MARCHF3: variants seen among roughly 807,000 people sequenced by gnomAD.
The protein encoded by MARCHF3 is membrane associated ring-CH-type finger 3.
MARCHF3 carries 13 observed loss-of-function variants against 24.2 expected under a neutral mutation model. The ratio of observed to expected loss-of-function variants is 0.54; its 90% CI spans 0.35 to 0.85. The LOEUF (loss-of-function observed/expected upper bound fraction) is 0.85, where lower values mean the gene tolerates loss of function less well. MARCHF3 is among the 40% of genes least tolerant of loss of function. The probability of loss-of-function intolerance (pLI) is 0.01; values close to 1 mark genes in which losing one functional copy is unlikely to be tolerated. For synonymous variants in MARCHF3, 144 were observed against 137.3 expected (o/e 1.05, Z -0.34); for missense variants, 276 against 325.0 (o/e 0.85, Z 1.16).
intron 1 of MARCHF3, among the ~76,000 whole-genome samples, chr5:127,017,030 C>T (rs1321605755): frequency 2.0e-5 from 3 of 152,104 alleles, no homozygotes; most frequent in Non-Finnish European, 4.4e-5. Flanking sequence ...AACCAAACAC[C>T]GCATGTTCTC....
At chr5:126,905,876 G>T (rs895041138) in intron 3 of MARCHF3, among the ~76,000 whole-genome samples, 1 of 152,120 alleles carries the variant, frequency 6.6e-6, no homozygotes, top group Non-Finnish European at 1.5e-5. Context: ...GTGAGAGAGG[G>T]CATCCCTGTC....
intron 3 of MARCHF3, among the ~76,000 whole-genome samples, chr5:126,904,113 T>A (rs1201917875): frequency 6.6e-6 from 1 of 150,742 alleles, no homozygotes; most frequent in African/African-American, 2.5e-5. Flanking sequence ...GATTTCCAAT[T>A]TCATCCACGT....
chr5:126,933,476 G>T (rs1191977546), intron 1 of MARCHF3, among the ~76,000 whole-genome samples: 1 of 144,554 alleles, frequency 6.9e-6, no homozygotes, highest in African/African-American at 2.6e-5. Flanking sequence ...ACAGAGTCTC[G>T]CTGTGTCGCC....
In MARCHF3 at chr5:126,932,300, A is replaced by G. The variant is rs1749504765; in HGVS notation, c.-56-14073T>C. Among the ~76,000 whole-genome samples the G allele has an allele frequency of 4.6e-5, 7 of 152,224 alleles. No individual in the cohort carries two copies. In the South Asian group the frequency reaches 1.4e-3, roughly 32 times the overall value. On this transcript the variant is annotated intron_variant, in intron 1 of 4. Transcript: ENST00000308660. ...GGTACAACCTTGGATAAGTTATTTA[A>G]CTTTTCTGTATGTCAATTTGCCCAC...
intron 1 of MARCHF3, among the ~76,000 whole-genome samples, chr5:126,964,868 C>A (rs578029131): frequency 1.3e-3 from 191 of 152,194 alleles, no homozygotes; most frequent in African/African-American, 4.1e-3. Context: ...CAAGACTAGA[C>A]CCTGGTGAGA....
chr5:126,896,666 C>G lies in MARCHF3; in HGVS notation c.393+18264G>C, dbSNP rs372302859. On this transcript the variant is annotated intron_variant, in intron 3 of 4. Coordinates refer to ENST00000308660, the MANE Select transcript of MARCHF3 (RefSeq NM_178450.5). ...ATCATATCTACTGTCGTGGAACCCA[C>G]AGAAGTATACTATGGCCTTCTCATG... 2.0e-5 allele frequency among the ~76,000 whole-genome samples: 3 copies of G among 152,196 alleles called. No homozygotes were observed. In the South Asian group the frequency reaches 6.2e-4, roughly 32 times the overall value.
chr5:126,981,626 G>C (rs1751396747), intron 1 of MARCHF3, among the ~76,000 whole-genome samples: 1 of 152,188 alleles, frequency 6.6e-6, no homozygotes, highest in South Asian at 2.1e-4. Flanking sequence ...TCAAAGTGAA[G>C]GTGTTACATA....
chr5:126,898,786 A>G, intron 3 of MARCHF3: 9 of 886,908 alleles, frequency 1.0e-5, no homozygotes, highest in Non-Finnish European at 1.2e-5. Flanking sequence ...GCCCTAAAAG[A>G]CTTTGAACCT....
intron 2 of MARCHF3, among the ~76,000 whole-genome samples, chr5:126,915,756 G>A (rs1754707447): frequency 6.6e-6 from 1 of 152,210 alleles, no homozygotes. Flanking sequence ...ATGTCCCACT[G>A]AGGTAGCCTC....
At chr5:126,961,450 A>C (rs1334350164) in intron 1 of MARCHF3, among the ~76,000 whole-genome samples, 3 of 152,172 alleles carry the variant, frequency 2.0e-5, no homozygotes, top group Non-Finnish European at 4.4e-5. Flanking sequence ...GCTGATGAAA[A>C]GGGCAGGAAT....
intron 3 of MARCHF3, among the ~76,000 whole-genome samples, chr5:126,906,565 A>C (rs1336995809): frequency 6.6e-6 from 1 of 152,222 alleles, no homozygotes; most frequent in Admixed American, 6.5e-5. Context: ...TGTGTCCAGG[A>C]ATTTATCAAT....
intron 1 of MARCHF3, among the ~76,000 whole-genome samples, chr5:126,982,880 T>G (rs981814107): frequency 1.3e-5 from 2 of 152,218 alleles, no homozygotes; most frequent in African/African-American, 4.8e-5. Context: ...ACTAATGTGG[T>G]TGTCTCCCAC....
At chr5:126,992,225 C>T (rs1751789273) in intron 1 of MARCHF3, among the ~76,000 whole-genome samples, 1 of 152,128 alleles carries the variant, frequency 6.6e-6, no homozygotes, top group African/African-American at 2.4e-5. Context: ...AACTTCTTCT[C>T]CATACCACAG....
intron 1 of MARCHF3, among the ~76,000 whole-genome samples, chr5:126,927,240 A>G (rs1580651484): frequency 6.6e-6 from 1 of 152,162 alleles, no homozygotes; most frequent in East Asian, 1.9e-4. Context: ...AGTAACACAT[A>G]GCCAAGGACC....
intron 1 of MARCHF3, among the ~76,000 whole-genome samples, chr5:126,954,282 C>T (rs1387069667): frequency 2.0e-5 from 3 of 150,710 alleles, no homozygotes; most frequent in Non-Finnish European, 1.5e-5. Context: ...ATCTCCTGAC[C>T]TCGTGATCCG....
intron 3 of MARCHF3, among the ~76,000 whole-genome samples, chr5:126,889,168 A>T (rs1040744606): frequency 1.6e-4 from 25 of 152,020 alleles, no homozygotes; most frequent in African/African-American, 6.0e-4. Flanking sequence ...GTGTCTAATG[A>T]CCACTCCGTT....
chr5:126,929,091 T>C (rs551087459), intron 1 of MARCHF3, among the ~76,000 whole-genome samples: 20 of 152,350 alleles, frequency 1.3e-4, no homozygotes, highest in African/African-American at 4.8e-4. Flanking sequence ...TCATCGTATG[T>C]CCCTCTCAGT....
intron 3 of MARCHF3, among the ~76,000 whole-genome samples, chr5:126,880,859 T>C (rs1382280879): frequency 2.0e-5 from 3 of 152,226 alleles, no homozygotes; most frequent in Admixed American, 6.5e-5. Flanking sequence ...TGAACACATA[T>C]GCTACCGATG....
At chr5:126,985,635 A>ATT (rs139041934) in intron 1 of MARCHF3, among the ~76,000 whole-genome samples, 1 of 151,678 alleles carries the variant, frequency 6.6e-6, no homozygotes, top group African/African-American at 2.4e-5. Context: ...CGCCTGGCTA[A>ATT]TTTTTTTATT....
Sources: gnomAD v4.1 joint callset for allele counts (sites outside exome capture counted in the v4.1 genomes callset) on GRCh38, gnomAD v4.1.1 for gene constraint, MANE v1.5 for transcripts, NCBI Gene and HGNC (gene_info 2026-07-23, HGNC 2026-07-21) for gene names.